WDFY3: variants seen among roughly 807,000 people sequenced by gnomAD.
WDFY3 encodes WD repeat and FYVE domain-containing protein 3.
In WDFY3, 66 loss-of-function variants were observed where a neutral mutation model predicts 409.6. The ratio of observed to expected loss-of-function variants is 0.16; its 90% confidence interval spans 0.13 to 0.20. The LOEUF (loss-of-function observed/expected upper bound fraction) is 0.20. WDFY3 is among the 10% of genes least tolerant of loss of function. WDFY3 has a pLI of 1.00. For synonymous variants in WDFY3, 1,521 were observed against 1,537.1 expected (o/e 0.99, Z 0.25); for missense variants, 3,031 against 4,298.1 (o/e 0.71, Z 8.24).
chr4:84,803,407 C>T lies in WDFY3; in HGVS notation c.2490G>A (p.Leu830=). The T allele has an allele frequency of 1.9e-6, 3 of 1,614,032 alleles. No individual in the cohort carries two copies. The highest frequency in any genetic ancestry group is 2.5e-6 in the Non-Finnish European group (3 of 1,180,006). ...GAGATGAAGTTGTCACATGTAGTTT[C>T]AGGTCGGCAACATTTTTAGGAGGGT... ...PVYPPKNVAD[L]KLHVTTSSLQ... Residue 830 remains leucine, a synonymous_variant, in exon 16 of 68, where the codon CTG becomes CTA. Coordinates refer to ENST00000295888, the MANE Select transcript of WDFY3 (RefSeq NM_014991.6).
At chr4:84,724,990 C>A (rs2149107840) in intron 45 of WDFY3, among the ~76,000 whole-genome samples, 1 of 152,278 alleles carries the variant, frequency 6.6e-6, no homozygotes, top group East Asian at 1.9e-4. Context: ...TCACTTCCAC[C>A]CCAAGTGAAG....
chr4:84,903,851 G>A (rs896876623), intron 2 of WDFY3, among the ~76,000 whole-genome samples: 3 of 152,064 alleles, frequency 2.0e-5, no homozygotes, highest in African/African-American at 7.2e-5. Flanking sequence ...TATGTGATGT[G>A]TATCTCTATT....
chr4:84,842,476 CAA>C (rs552074328), intron 5 of WDFY3, among the ~76,000 whole-genome samples: 6 of 129,094 alleles, frequency 4.6e-5, no homozygotes, highest in Admixed American at 7.9e-5. Flanking sequence ...GACTCTGTCT[CAA>C]AAAAAAAAAA....
At chr4:84,837,241 T>C (rs913233310) in intron 6 of WDFY3, 151 bp from the exon 7 acceptor site, 2 of 602,742 alleles carry the variant, frequency 3.3e-6, no homozygotes, top group Admixed American at 4.4e-5. Flanking sequence ...AGTGAAGAAA[T>C]ATACAACTAT....
At chr4:84,833,687 A>AG (rs1491133751) in intron 7 of WDFY3, among the ~76,000 whole-genome samples, 28 of 151,800 alleles carry the variant, frequency 1.8e-4, no homozygotes, top group African/African-American at 5.6e-4. Context: ...AAAAGAAAAG[A>AG]AAAGAGAAGA....
chr4:84,854,329 T>C (rs921299782), intron 4 of WDFY3, among the ~76,000 whole-genome samples: 6 of 151,914 alleles, frequency 3.9e-5, no homozygotes, highest in Non-Finnish European at 5.9e-5. Flanking sequence ...CAAGATAAGG[T>C]TGGAGGGATA....
chr4:84,780,339 C>T, intron 25 of WDFY3, 41 bp from the exon 26 acceptor site: 2 of 1,565,324 alleles, frequency 1.3e-6, no homozygotes, highest in Non-Finnish European at 1.7e-6. Context: ...ATAAATTCCC[C>T]ATGTGAACAA....
intron 1 of WDFY3, among the ~76,000 whole-genome samples, chr4:84,960,708 G>T (rs952285014): frequency 1.3e-5 from 2 of 151,966 alleles, no homozygotes; most frequent in Non-Finnish European, 2.9e-5. Context: ...GAATTTCTGA[G>T]CTCAAGCAAT....
Position 84,743,755 on chromosome 4 carries a change from T to C in WDFY3, c.6018A>G (p.Gln2006=), listed in dbSNP as rs1379322631. ...CCATCACGCTATCCAAAATGTAAGT[T>C]TGAAATTCTTTTTGCTGAGTTCTTG... ...RSTRTQQKEF[Q]TYILDSVMDH... is the part of the protein sequence containing the mutation. Residue 2006 remains glutamine, a synonymous_variant, in exon 37 of 68, where the codon CAA becomes CAG. Transcript: ENST00000295888. The C allele has an allele frequency of 3.8e-6, 6 of 1,597,308 alleles. No individual in the cohort carries two copies. In the African/African-American group the frequency reaches 5.4e-5, roughly 14 times the overall value.
chr4:84,724,138 T>C (rs942357882), intron 46 of WDFY3, among the ~76,000 whole-genome samples: 2 of 152,148 alleles, frequency 1.3e-5, no homozygotes, highest in African/African-American at 4.8e-5. Context: ...AAAATACATA[T>C]GTGTATTAAA....
chr4:84,802,171 C>T (rs1195327000), intron 16 of WDFY3, among the ~76,000 whole-genome samples: 2 of 152,018 alleles, frequency 1.3e-5, no homozygotes. Flanking sequence ...TGGTCTCAAA[C>T]TCCTGACCTC....
At chr4:84,691,957 T>G (rs1381240349) in intron 59 of WDFY3, among the ~76,000 whole-genome samples, 172 bp from the exon 60 acceptor site, 1 of 152,224 alleles carries the variant, frequency 6.6e-6, no homozygotes, top group Non-Finnish European at 1.5e-5. Flanking sequence ...CAAGACCTGC[T>G]GGGTGGAATG....
Position 84,690,573 on chromosome 4 carries a change from C to T in WDFY3, c.9296G>A (p.Ser3099Asn), listed in dbSNP as rs748426096. The change falls in exon 61 of 68, where the codon AGC becomes AAC. Residue 3099 changes from serine to asparagine, a missense_variant. Ser to Asn is a conservative substitution (Grantham distance 46). This residue lies in a region of WDFY3 where 152 missense variants were observed against 193.5 expected (regional missense o/e 0.79). Coordinates refer to ENST00000295888, the MANE Select transcript of WDFY3 (RefSeq NM_014991.6). ...NPKLVITGGT[S>N]TVVCVWEMGT... ...CATCTCCCACACACACACAACCGTGCTTGTTCCACCCGTGATGACCAGCTT... is the reference window on the plus strand; with the variant it reads ...CATCTCCCACACACACACAACCGTGTTTGTTCCACCCGTGATGACCAGCTT... The T allele has an allele frequency of 3.1e-6, 5 of 1,614,192 alleles. No individual in the cohort carries two copies.
At chr4:84,944,830 T>G (rs566788038) in intron 1 of WDFY3, among the ~76,000 whole-genome samples, 1 of 152,182 alleles carries the variant, frequency 6.6e-6, no homozygotes, top group East Asian at 1.9e-4. Context: ...ATAATACATA[T>G]AGTCACTGGA....
intron 58 of WDFY3, among the ~76,000 whole-genome samples, chr4:84,694,105 A>G (rs1228954787): frequency 6.6e-6 from 1 of 152,170 alleles, no homozygotes; most frequent in African/African-American, 2.4e-5. Flanking sequence ...AAACAGAAAA[A>G]ATTCTTTGTG....
chr4:84,681,334 T>C (rs915845516), intron 64 of WDFY3, among the ~76,000 whole-genome samples: 2 of 152,188 alleles, frequency 1.3e-5, no homozygotes, highest in Non-Finnish European at 2.9e-5. Flanking sequence ...CCACTTTTCA[T>C]TGGTTCCCTT....
Position 84,849,650 on chromosome 4 carries a change from A to T in WDFY3, c.304+252T>A, listed in dbSNP as rs1758606659. The T allele has an allele frequency of 1.4e-5, 4 of 282,846 alleles. No individual in the cohort carries two copies. The East Asian group carries it at 2.8e-4, about 19-fold the overall frequency. The allele number at this position is 282,846 out of a possible 1,614,324, so 17.5% of individuals were successfully genotyped here. A position where few individuals can be genotyped will look rare whatever the true frequency, so the allele number is the denominator to read the frequency against. On this transcript the variant is annotated intron_variant, in intron 5 of 67. Coordinates refer to ENST00000295888, the MANE Select transcript of WDFY3 (RefSeq NM_014991.6). Reference sequence around the variant, plus strand: ...AGGAATTTGTATTTTGCTCAAAGGGAAACAGAGTATTTTAAAGGGTTAGGG... The same window carrying T: ...AGGAATTTGTATTTTGCTCAAAGGGTAACAGAGTATTTTAAAGGGTTAGGG...
intron 24 of WDFY3, 115 bp from the exon 25 acceptor site, chr4:84,783,189 G>A: frequency 7.3e-6 from 7 of 963,166 alleles, no homozygotes; most frequent in Non-Finnish European, 1.1e-5. Flanking sequence ...TCCCTTATCA[G>A]AATACTGAAA....
intron 5 of WDFY3, chr4:84,849,625 A>T: frequency 2.1e-5 from 4 of 187,516 alleles, no homozygotes; most frequent in Non-Finnish European, 3.2e-5. Flanking sequence ...TTTCATGCTG[A>T]GGAATTTGTA....
Sources: allele counts gnomAD v4.1 joint callset (sites outside exome capture counted in the v4.1 genomes callset), GRCh38; gene constraint gnomAD v4.1.1; regional missense constraint gnomAD v4.1.1; transcripts MANE v1.5; gene names NCBI Gene and HGNC (gene_info 2026-07-23, HGNC 2026-07-21).